TAF4B: variants seen among roughly 807,000 people sequenced by gnomAD.
TAF4B encodes the protein TATA-box binding protein associated factor 4b.
Under a neutral mutation model 86.4 loss-of-function variants are expected in TAF4B, and 38 were observed. That is an observed-to-expected ratio of 0.44 (90% confidence interval 0.34 to 0.58). The LOEUF is 0.58. Ranked by LOEUF, TAF4B falls within the 20% of genes least tolerant of loss-of-function variation. The probability of loss-of-function intolerance (pLI) is 0.02; values close to 1 mark genes in which losing one functional copy is unlikely to be tolerated. For synonymous variants in TAF4B, 388 were observed against 391.2 expected, an observed-to-expected ratio of 0.99 and a Z score of 0.10; for missense variants, 988 against 1,027.6, an observed-to-expected ratio of 0.96 and a Z score of 0.53.
intron 1 of TAF4B, among the ~76,000 whole-genome samples, chr18:26,240,763 A>T (rs553519513): frequency 6.6e-6 from 1 of 152,194 alleles, no homozygotes; most frequent in Non-Finnish European, 1.5e-5. Flanking sequence ...CGTCACATCA[A>T]TACCTAACTT....
At chr18:26,373,049 A>G (rs930055476) in intron 14 of TAF4B, among the ~76,000 whole-genome samples, 9 of 152,028 alleles carry the variant, frequency 5.9e-5, no homozygotes, top group Non-Finnish European at 1.3e-4. Flanking sequence ...ACAGAAATGT[A>G]GGGGCCTACT....
chr18:26,238,658 T>C (rs1438430253), intron 1 of TAF4B, among the ~76,000 whole-genome samples: 1 of 152,168 alleles, frequency 6.6e-6, no homozygotes, highest in Non-Finnish European at 1.5e-5. Context: ...GTTACATATG[T>C]ATACATGTGC....
intron 1 of TAF4B, among the ~76,000 whole-genome samples, chr18:26,253,635 G>T (rs1033281804): frequency 1.3e-5 from 2 of 152,100 alleles, no homozygotes; most frequent in African/African-American, 4.8e-5. Context: ...GGAATACTTT[G>T]TGAAGGATTA....
intron 14 of TAF4B, among the ~76,000 whole-genome samples, chr18:26,373,050 G>T (rs1210717365): frequency 6.6e-6 from 1 of 152,056 alleles, no homozygotes; most frequent in Admixed American, 6.6e-5. Context: ...CAGAAATGTA[G>T]GGGCCTACTA....
intron 1 of TAF4B, among the ~76,000 whole-genome samples, chr18:26,246,343 C>A (rs2055923910): frequency 6.6e-6 from 1 of 152,016 alleles, no homozygotes. Flanking sequence ...AAAGTTCAGT[C>A]CGAGACCACA....
intron 6 of TAF4B, among the ~76,000 whole-genome samples, chr18:26,282,444 T>C (rs554488924): frequency 1.4e-4 from 21 of 152,356 alleles, no homozygotes; most frequent in African/African-American, 5.1e-4. Flanking sequence ...GTATACTTTA[T>C]TAGGTATACA....
At chr18:26,347,774 C>T (rs2144719992) in intron 13 of TAF4B, among the ~76,000 whole-genome samples, 1 of 152,186 alleles carries the variant, frequency 6.6e-6, no homozygotes, top group South Asian at 2.1e-4. Context: ...GCAGGAGTAG[C>T]TATACTTACA....
rs180722664 is a variant in TAF4B, at chr18:26,315,382, G to A, written c.1986G>A (p.Lys662=). 368 of 1,612,116 alleles carry A rather than the reference G, an allele frequency of 2.3e-4. 1 individual carries two copies. The African/African-American group carries it at 4.4e-3, about 19-fold the overall frequency. The change falls in exon 10 of 15, where the codon AAG becomes AAA. Residue 662 remains lysine (K), a synonymous_variant. Coordinates refer to ENST00000269142, the MANE Select transcript of TAF4B (RefSeq NM_005640.3). The part of the protein sequence containing the change: ...EPFLFIGALQ[K]RILDIGKKHD... ...TTCTTTTTATTGGAGCTCTACAAAA[G>A]AGAATTTTAGACATTGGTAAGTGTA...
chr18:26,354,914 A>G (rs1341635051), intron 13 of TAF4B, among the ~76,000 whole-genome samples: 1 of 152,338 alleles, frequency 6.6e-6, no homozygotes, highest in African/African-American at 2.4e-5. Context: ...TATAAACTTT[A>G]GAATCAACTT....
intron 1 of TAF4B, among the ~76,000 whole-genome samples, chr18:26,241,660 T>A (rs1177812765): frequency 6.6e-6 from 1 of 152,186 alleles, no homozygotes; most frequent in Non-Finnish European, 1.5e-5. Context: ...CTTCTCTAGT[T>A]CTTTTAATTG....
chr18:26,381,454 C>T (rs555345529), intron 14 of TAF4B, among the ~76,000 whole-genome samples: 2 of 151,922 alleles, frequency 1.3e-5, no homozygotes, highest in Non-Finnish European at 2.9e-5. Flanking sequence ...TGGCTGGGCG[C>T]GGTAGCTCAC....
intron 5 of TAF4B, among the ~76,000 whole-genome samples, chr18:26,281,316 C>A (rs1240082732): frequency 6.6e-6 from 1 of 151,958 alleles, no homozygotes; most frequent in Non-Finnish European, 1.5e-5. Context: ...TTGAATGCTC[C>A]TTCCACAACT....
intron 5 of TAF4B, among the ~76,000 whole-genome samples, chr18:26,278,564 C>T (rs1396547059): frequency 6.6e-6 from 1 of 151,940 alleles, no homozygotes; most frequent in African/African-American, 2.4e-5. Context: ...CACCCTTGGC[C>T]CGCCAAAGTA....
At chr18:26,388,620 TTGGCCTAGAA>T (rs1169261237) in intron 14 of TAF4B, among the ~76,000 whole-genome samples, 1 of 152,184 alleles carries the variant, frequency 6.6e-6, no homozygotes, top group Non-Finnish European at 1.5e-5. Context: ...GATGAGTAGA[TTGGCCTAGAA>T]TGGCCTCTTT....
chr18:26,336,293 A>C (rs552586581), intron 13 of TAF4B, among the ~76,000 whole-genome samples: 1 of 152,302 alleles, frequency 6.6e-6, no homozygotes, highest in Non-Finnish European at 1.5e-5. Flanking sequence ...CTCTTGAACT[A>C]TGAAATTTGT....
At chr18:26,268,394 G>A (rs910161990) in intron 3 of TAF4B, among the ~76,000 whole-genome samples, 2 of 152,074 alleles carry the variant, frequency 1.3e-5, no homozygotes, top group Non-Finnish European at 2.9e-5. Context: ...GCTGGTTTCT[G>A]GTGGCACCTG....
intron 9 of TAF4B, among the ~76,000 whole-genome samples, chr18:26,311,110 TGAA>T (rs1227958188): frequency 6.6e-6 from 1 of 152,174 alleles, no homozygotes; most frequent in Non-Finnish European, 1.5e-5. Flanking sequence ...TGATAGGTGA[TGAA>T]GATGATTAAT....
intron 1 of TAF4B, among the ~76,000 whole-genome samples, chr18:26,241,551 A>AT (rs1328249634): frequency 9.2e-5 from 14 of 151,876 alleles, no homozygotes; most frequent in African/African-American, 2.7e-4. Flanking sequence ...GGATTCTTTG[A>AT]TTTTTTTGAA....
intron 1 of TAF4B, among the ~76,000 whole-genome samples, chr18:26,228,986 G>A (rs1209978440): frequency 6.6e-6 from 1 of 151,900 alleles, no homozygotes; most frequent in African/African-American, 2.4e-5. Context: ...CAACCCATAG[G>A]TGTCGGGGGA....
Sources: allele counts gnomAD v4.1 joint callset (sites outside exome capture counted in the v4.1 genomes callset), GRCh38; gene constraint gnomAD v4.1.1; transcripts MANE v1.5; gene names NCBI Gene and HGNC (gene_info 2026-07-23, HGNC 2026-07-21).